Variants in DNAAF2 observed in about 807,000 individuals in gnomAD.
The protein encoded by DNAAF2 is dynein axonemal assembly factor 2.
A neutral mutation model predicts 48.8 loss-of-function variants in DNAAF2; 58 were observed. The observed-to-expected ratio is 1.19, with a 90% CI of 0.96 to 1.48. DNAAF2 has a LOEUF of 1.48. Ranked by LOEUF, DNAAF2 falls within the 40% of genes most tolerant of loss-of-function variation. The pLI, the probability that DNAAF2 is intolerant of heterozygous loss-of-function variation, is 0.00. For synonymous variants in DNAAF2, 567 were observed against 481.2 expected (o/e 1.18, Z -2.33); for missense variants, 1,241 against 1,116.1 (o/e 1.11, Z -1.59).
rs771691319 is a variant in DNAAF2 at position 49,633,795 on chromosome 14, T to A, written c.1355A>T (p.Glu452Val). ...RHAGSPPGSV[E>V]EPSPGGENSP... ...GTTTTCTCCTCCAGGAGATGGCTCC[T>A]CCACGCTGCCCGGCGGTGACCCCGC... The change falls in exon 1 of 3, where the codon GAG (glutamate) becomes GTG (valine). Residue 452 changes from glutamate to valine, a missense_variant. Glu to Val is a moderately radical substitution (Grantham distance 121). Transcript: ENST00000298292. 1.3e-6 allele frequency: 2 copies of A among 1,591,720 alleles called. No individual in the cohort carries two copies. The highest frequency in any genetic ancestry group is 1.1e-5 in the South Asian group (1 of 89,884).
At position 49,634,674 on chromosome 14, in the gene DNAAF2, C is replaced by T; in HGVS notation, c.476G>A (p.Gly159Asp). Residue 159 changes from glycine (G) to aspartate (D), a missense_variant, in exon 1 of 3, where the codon GGC becomes GAC. Physicochemically the swap from Gly to Asp is moderately conservative, Grantham distance 94 (BLOSUM62 -1). Transcript: ENST00000298292. ...DALALARRHEGFRQMLDATAL... is the reference protein window; with the variant it reads ...DALALARRHEDFRQMLDATAL... ...CGTGGCGTCCAGCATCTGGCGGAAG[C>T]CCTCGTGCCGCCGGGCCAGCGCAAG... The T allele has an allele frequency of 1.2e-6, 2 of 1,606,382 alleles. No homozygotes were observed. The highest frequency in any genetic ancestry group is 1.1e-5 in the South Asian group (1 of 91,070).
intron 1 of DNAAF2, among the ~76,000 whole-genome samples, chr14:49,631,802 A>G (rs1422010392): frequency 6.6e-6 from 1 of 152,226 alleles, no homozygotes; most frequent in Non-Finnish European, 1.5e-5. Context: ...TGACCTTGAA[A>G]GCCACATAAC....
intron 1 of DNAAF2, among the ~76,000 whole-genome samples, chr14:49,631,170 A>G (rs896817719): frequency 6.6e-5 from 10 of 152,244 alleles, no homozygotes; most frequent in Non-Finnish European, 1.2e-4. Context: ...TTGAAGATCC[A>G]GAATAACACA....
chr14:49,626,160 AC>A, intron 2 of DNAAF2, 112 bp from the exon 3 acceptor site: 2 of 819,726 alleles, frequency 2.4e-6, no homozygotes, highest in Non-Finnish European at 3.4e-6. Flanking sequence ...GCCCTTACAG[AC>A]CTGCAGGTAT....
chr14:49,626,140 T>A, intron 2 of DNAAF2, 92 bp from the exon 3 acceptor site: 1 of 1,093,992 alleles, frequency 9.1e-7, no homozygotes. Flanking sequence ...TTAACAGTTG[T>A]GAGGTAATAG....
chr14:49,633,145 C>T (rs1566511170), intron 1 of DNAAF2, 142 bp downstream of exon 1: 2 of 949,686 alleles, frequency 2.1e-6, no homozygotes, highest in Non-Finnish European at 3.1e-6. Flanking sequence ...TGGTCTAGAA[C>T]TCCTGACCTC....
intron 1 of DNAAF2, among the ~76,000 whole-genome samples, chr14:49,631,051 G>A (rs906883604): frequency 2.6e-5 from 4 of 152,020 alleles, no homozygotes; most frequent in Admixed American, 2.0e-4. Flanking sequence ...GCCTGGCTAC[G>A]TATTTTTCTT....
chr14:49,632,652 G>A (rs1337333298), intron 1 of DNAAF2, among the ~76,000 whole-genome samples: 1 of 151,810 alleles, frequency 6.6e-6, no homozygotes, highest in African/African-American at 2.4e-5. Context: ...CGCCATGTTG[G>A]TCAGGCTGGT....
chr14:49,625,755 T>C lies in DNAAF2; in HGVS notation c.2301A>G (p.Lys767=). 6.2e-7 allele frequency: 1 copy of C among 1,611,528 alleles called. No homozygotes were observed. The highest frequency in any genetic ancestry group is 8.5e-7 in the Non-Finnish European group (1 of 1,179,092). Residue 767 remains lysine, a synonymous_variant, in exon 3 of 3, where the codon AAA becomes AAG. Transcript: ENST00000298292. ...TTATTACTGACTCGTTTAAGTTATC[T>C]TTTTCCTCATTTGAACAAGTAGCAC... ...EKSATCSNEE[K]DNLNESVITE...
In DNAAF2 at chr14:49,633,654, T is replaced by C. The variant is rs774064132; in HGVS notation, c.1496A>G (p.Glu499Gly). The change falls in exon 1 of 3, where the codon GAG becomes GGG. Residue 499 changes from glutamate (E) to glycine (G), a missense_variant. Glu to Gly is a moderately conservative substitution (Grantham distance 98, BLOSUM62 -2). Coordinates refer to ENST00000298292, the MANE Select transcript of DNAAF2 (RefSeq NM_018139.3). ...DSSVETREESEGTGGQRSACA... is the reference protein window; with the variant it reads ...DSSVETREESGGTGGQRSACA... ...GGCTGAGCGCTGGCCGCCCGTGCCC[T>C]CCGACTCCTCGCGTGTTTCCACACT... 8 of 1,612,424 alleles carry C rather than the reference T, an allele frequency of 5.0e-6. No individual in the cohort carries two copies. Among genetic ancestry groups the C allele is most frequent in the South Asian group, 1.1e-5 (1 of 91,060 alleles).
At position 49,625,712 on chromosome 14, in the gene DNAAF2, C is replaced by T. The variant is rs150184253; in HGVS notation, c.2344G>A (p.Asp782Asn). The change falls in exon 3 of 3, where the codon GAT (aspartate) becomes AAT (asparagine). Residue 782 changes from aspartate to asparagine, a missense_variant. Coordinates refer to ENST00000298292, the MANE Select transcript of DNAAF2 (RefSeq NM_018139.3). ...ESVITEEKETDGDHLSSLLNK... is the reference protein window; with the variant it reads ...ESVITEEKETNGDHLSSLLNK... Reference sequence around the variant, plus strand: ...AGTAATGAAGATAGGTGATCTCCATCTGTTTCTTTCTCTTCAGTTATTACT... The same window carrying T: ...AGTAATGAAGATAGGTGATCTCCATTTGTTTCTTTCTCTTCAGTTATTACT... 6.2e-7 allele frequency: 1 copy of T among 1,613,684 alleles called. No individual in the cohort carries two copies. The highest frequency in any genetic ancestry group is 8.5e-7 in the Non-Finnish European group (1 of 1,179,738).
In DNAAF2 at chr14:49,625,889, C is replaced by T; in HGVS notation, c.2167G>A (p.Gly723Ser). The T allele has an allele frequency of 6.2e-7, 1 of 1,613,350 alleles. No homozygotes were observed. The highest frequency in any genetic ancestry group is 2.2e-5 in the East Asian group (1 of 44,782). Residue 723 changes from glycine to serine, a missense_variant, in exon 3 of 3, where the codon GGT becomes AGT. Physicochemically the swap from Gly to Ser is moderately conservative, Grantham distance 56. Transcript: ENST00000298292. ...AVKALQIDSF[G>S]LVTCFQQESL... ...TCTTGTTGAAAGCATGTAACTAAAC[C>T]AAAGCTATCTATTTGTAGTGCTTTA...
chr14:49,632,708 A>G (rs1366220848), intron 1 of DNAAF2, among the ~76,000 whole-genome samples: 2 of 151,882 alleles, frequency 1.3e-5, no homozygotes, highest in African/African-American at 4.8e-5. Flanking sequence ...GGCCCCCCCA[A>G]AGTGCTGGGA....
At chr14:49,627,409 T>C (rs1269660713) in intron 2 of DNAAF2, among the ~76,000 whole-genome samples, 1 of 152,168 alleles carries the variant, frequency 6.6e-6, no homozygotes, top group African/African-American at 2.4e-5. Flanking sequence ...GTTCTCATGG[T>C]TTGAGAGTCA....
Position 49,634,445 on chromosome 14 carries a change from C to T in DNAAF2, c.705G>A (p.Gly235=). 10 of 1,558,526 alleles carry T rather than the reference C, an allele frequency of 6.4e-6. No homozygotes were observed. The highest frequency in any genetic ancestry group is 1.9e-5 in the Admixed American group (1 of 52,874). The change falls in exon 1 of 3, where the codon GGG becomes GGA. Residue 235 remains glycine, a synonymous_variant. Transcript: ENST00000298292. ...PYPYQYPAAP[G]PRAPSPPEAA... ...CTTCCGGAGGGGAGGGCGCCCGGGGCCCGGGGGCTGCCGGGTACTGGTAAG... is the reference window on the plus strand; with the variant it reads ...CTTCCGGAGGGGAGGGCGCCCGGGGTCCGGGGGCTGCCGGGTACTGGTAAG...
intron 1 of DNAAF2, among the ~76,000 whole-genome samples, chr14:49,628,486 A>G (rs1191109345): frequency 6.6e-6 from 1 of 151,828 alleles, no homozygotes; most frequent in Non-Finnish European, 1.5e-5. Context: ...ACATAGTCTC[A>G]CTCTGTTGCC....
At chr14:49,630,723 C>CAAATAAACTCTCT (rs1566510065) in intron 1 of DNAAF2, among the ~76,000 whole-genome samples, 2 of 130,668 alleles carry the variant, frequency 1.5e-5, no homozygotes, top group Admixed American at 1.6e-4. Context: ...CACACACACA[C>CAAATAAACTCTCT]ACACACACAA....
At position 49,625,800 on chromosome 14, in the gene DNAAF2, A is replaced by T; in HGVS notation, c.2256T>A (p.Ser752=). 6.2e-7 allele frequency: 1 copy of T among 1,608,038 alleles called. No individual in the cohort carries two copies. The highest frequency in any genetic ancestry group is 8.5e-7 in the Non-Finnish European group (1 of 1,178,076). Residue 752 remains serine, a synonymous_variant, in exon 3 of 3, where the codon TCT becomes TCA. Transcript: ENST00000298292. ...KSQQPESKMQ[S]EFIKEKSATC... The stretch of plus-strand genomic sequence containing the variant: ...TAGCACTTTTTTCTTTTATAAATTC[A>T]GATTGCATTTTTGACTCAGGTTGCT...
At chr14:49,631,556 T>C (rs1038583726) in intron 1 of DNAAF2, among the ~76,000 whole-genome samples, 9 of 151,680 alleles carry the variant, frequency 5.9e-5, no homozygotes, top group African/African-American at 1.7e-4. Context: ...ACCCGGGAGG[T>C]GGAGCTTGCA....
Sources: allele counts gnomAD v4.1 joint callset (sites outside exome capture counted in the v4.1 genomes callset), GRCh38; gene constraint gnomAD v4.1.1; transcripts MANE v1.5; gene names NCBI Gene and HGNC (gene_info 2026-07-23, HGNC 2026-07-21).